The following CNTNAP4 variants were observed in gnomAD, a reference collection of about 807,000 sequenced individuals.
CNTNAP4 encodes contactin associated protein family member 4, also known as contactin-associated protein-like 4.
CNTNAP4 carries 98 observed loss-of-function variants against 148.4 expected under a neutral mutation model. That is an observed-to-expected ratio of 0.66 (90% CI 0.56 to 0.78). CNTNAP4 has a LOEUF of 0.78. CNTNAP4 is among the 30% of genes least tolerant of loss of function. CNTNAP4 has a pLI of 0.00. For synonymous variants in CNTNAP4, 730 were observed against 565.1 expected (o/e 1.29, Z -4.14); for missense variants, 1,935 against 1,565.6 (o/e 1.24, Z -3.98).
intron 1 of CNTNAP4, among the ~76,000 whole-genome samples, chr16:76,282,481 A>G (rs977421233): frequency 2.6e-5 from 4 of 151,948 alleles, no homozygotes; most frequent in Admixed American, 2.6e-4. Flanking sequence ...ATTCCACTCT[A>G]TCTTAATCAG....
At chr16:76,541,078 A>G (rs1034959113) in intron 21 of CNTNAP4, among the ~76,000 whole-genome samples, 2 of 152,230 alleles carry the variant, frequency 1.3e-5, no homozygotes, top group African/African-American at 4.8e-5. Flanking sequence ...CAAAAATATT[A>G]AATAATTGAA....
At chr16:76,427,653 A>C in intron 4 of CNTNAP4, 54 bp downstream of exon 4, 1 of 1,461,902 alleles carries the variant, frequency 6.8e-7, no homozygotes, top group Non-Finnish European at 9.2e-7. Flanking sequence ...AGATGTTTTA[A>C]AAGCCAAACT....
chr16:76,394,293 C>G (rs536250990), intron 3 of CNTNAP4, among the ~76,000 whole-genome samples: 5 of 152,270 alleles, frequency 3.3e-5, no homozygotes, highest in South Asian at 4.1e-4. Flanking sequence ...CACAGATGCT[C>G]TGTCCTTTAC....
intron 1 of CNTNAP4, among the ~76,000 whole-genome samples, chr16:76,293,812 C>T (rs961345365): frequency 2.8e-5 from 4 of 145,312 alleles, no homozygotes; most frequent in African/African-American, 1.0e-4. Context: ...CATCTAAGAA[C>T]AAGCTGCTTT....
chr16:76,404,405 C>T (rs984546242), intron 3 of CNTNAP4, among the ~76,000 whole-genome samples: 1 of 151,648 alleles, frequency 6.6e-6, no homozygotes, highest in Non-Finnish European at 1.5e-5. Flanking sequence ...TTGGTGACCT[C>T]TTACAGAGAA....
chr16:76,297,092 A>T (rs1309130715), intron 1 of CNTNAP4, among the ~76,000 whole-genome samples: 1 of 152,208 alleles, frequency 6.6e-6, no homozygotes, highest in Non-Finnish European at 1.5e-5. Context: ...TAAGAGGGAA[A>T]TCTCTTTTTC....
At chr16:76,393,581 G>C (rs890957253) in intron 3 of CNTNAP4, among the ~76,000 whole-genome samples, 1 of 152,042 alleles carries the variant, frequency 6.6e-6, no homozygotes, top group African/African-American at 2.4e-5. Flanking sequence ...GGAGATCCTT[G>C]TGACCCAGCA....
intron 8 of CNTNAP4, among the ~76,000 whole-genome samples, chr16:76,455,340 C>G (rs1014669344): frequency 2.2e-4 from 33 of 152,170 alleles, no homozygotes; most frequent in African/African-American, 7.7e-4. Flanking sequence ...CCTCTTGTCC[C>G]CATGGGCAGG....
intron 2 of CNTNAP4, among the ~76,000 whole-genome samples, chr16:76,326,152 C>T (rs1336135227): frequency 6.6e-6 from 1 of 152,192 alleles, no homozygotes; most frequent in African/African-American, 2.4e-5. Flanking sequence ...TGATACCAAA[C>T]AGTGTCAAGG....
chr16:76,343,753 C>G (rs1017146166), intron 2 of CNTNAP4, among the ~76,000 whole-genome samples: 6 of 147,908 alleles, frequency 4.1e-5, no homozygotes, highest in Non-Finnish European at 1.5e-5. Flanking sequence ...TTTTTTTTGT[C>G]TGATGAGGTA....
At chr16:76,383,330 C>T (rs2016179834) in intron 3 of CNTNAP4, among the ~76,000 whole-genome samples, 1 of 139,880 alleles carries the variant, frequency 7.1e-6, no homozygotes, top group Non-Finnish European at 1.5e-5. Context: ...TGGAAGTAGA[C>T]AATGTGTGCT....
intron 2 of CNTNAP4, among the ~76,000 whole-genome samples, chr16:76,340,048 A>G (rs1324393994): frequency 6.6e-6 from 1 of 152,194 alleles, no homozygotes; most frequent in Non-Finnish European, 1.5e-5. Context: ...GGTTTCATAG[A>G]AAAATGCACG....
At chr16:76,422,707 T>A (rs895030074) in intron 3 of CNTNAP4, among the ~76,000 whole-genome samples, 6 of 151,786 alleles carry the variant, frequency 4.0e-5, no homozygotes, top group African/African-American at 1.5e-4. Flanking sequence ...ATAACCTCTA[T>A]AATTTTCATT....
chr16:76,349,507 C>T (rs538562554), intron 2 of CNTNAP4, among the ~76,000 whole-genome samples: 3 of 152,242 alleles, frequency 2.0e-5, no homozygotes, highest in South Asian at 4.2e-4. Context: ...CCTGGGGACA[C>T]GGCACACCAT....
chr16:76,316,226 T>C lies in CNTNAP4; in HGVS notation c.86-187T>C, dbSNP rs1961723405. 2.1e-5 allele frequency: 13 copies of C among 631,180 alleles called. 1 individual carries two copies. The highest frequency in any genetic ancestry group is 2.1e-4 in the South Asian group (11 of 53,442). 39.1% of individuals were successfully genotyped at this position (631,180 alleles called of 1,614,324 possible). ...AAGTATTTTCATATTCTCCTGTCTT[T>C]AAGTTTTTTCTTTTCTCATTGAACT... On this transcript the variant is annotated intron_variant, in intron 1 of 23. Transcript: ENST00000611870.
intron 2 of CNTNAP4, among the ~76,000 whole-genome samples, chr16:76,351,717 A>G (rs1392821287): frequency 6.6e-6 from 1 of 152,204 alleles, no homozygotes; most frequent in African/African-American, 2.4e-5. Context: ...AAGGTCAATT[A>G]ACTGTGAATG....
At chr16:76,363,179 G>A (rs1401418316) in intron 3 of CNTNAP4, among the ~76,000 whole-genome samples, 2 of 148,206 alleles carry the variant, frequency 1.3e-5, no homozygotes, top group African/African-American at 5.0e-5. Context: ...TTTTTTTTGG[G>A]AGTTGGAGTC....
chr16:76,346,959 C>G (rs897104012), intron 2 of CNTNAP4, among the ~76,000 whole-genome samples: 1 of 152,066 alleles, frequency 6.6e-6, no homozygotes, highest in Admixed American at 6.6e-5. Context: ...TGATTGACAG[C>G]AAAGAACTAA....
chr16:76,454,192 G>T (rs1463375405), intron 8 of CNTNAP4, among the ~76,000 whole-genome samples: 6 of 146,362 alleles, frequency 4.1e-5, no homozygotes, highest in Admixed American at 3.5e-4. Flanking sequence ...TCAGCTCACC[G>T]CAACCTCCGC....
Sources: gnomAD v4.1 joint callset for allele counts (sites outside exome capture counted in the v4.1 genomes callset) on GRCh38, gnomAD v4.1.1 for gene constraint, MANE v1.5 for transcripts, NCBI Gene and HGNC (gene_info 2026-07-23, HGNC 2026-07-21) for gene names.